CHD9: variants seen among roughly 807,000 people sequenced by gnomAD.
CHD9 encodes chromodomain helicase DNA binding protein 9, also known as ATP-dependent chromatin remodeler CHD9.
A neutral mutation model predicts 316.1 loss-of-function variants in CHD9; 77 were observed. That is an observed-to-expected ratio of 0.24 (90% CI 0.20 to 0.29). The LOEUF is 0.29. Among genes scored for constraint, CHD9 ranks in the 10% least tolerant of loss-of-function variants. CHD9 has a pLI of 1.00. For missense variants in CHD9, 2,763 were observed against 3,438.1 expected (o/e 0.80, Z 4.91); for synonymous variants, 1,129 against 1,158.3 (o/e 0.97, Z 0.51).
At chr16:53,071,827 T>A (rs563246332) in intron 1 of CHD9, among the ~76,000 whole-genome samples, 2 of 152,320 alleles carry the variant, frequency 1.3e-5, no homozygotes, top group African/African-American at 4.8e-5. Context: ...GAACACAGTG[T>A]GATGGCCAGC....
chr16:53,069,295 C>A (rs899310840), intron 1 of CHD9, among the ~76,000 whole-genome samples: 1 of 152,188 alleles, frequency 6.6e-6, no homozygotes, highest in African/African-American at 2.4e-5. Context: ...TGAGCCACCG[C>A]GCCCAGCCTG....
intron 19 of CHD9, among the ~76,000 whole-genome samples, chr16:53,260,275 T>G (rs2050970745): frequency 6.6e-6 from 1 of 152,140 alleles, no homozygotes; most frequent in Non-Finnish European, 1.5e-5. Flanking sequence ...GGCTGGAAGT[T>G]CAAGACCAGC....
Position 53,254,645 on chromosome 16 carries a change from T to C in CHD9, c.4029+40T>C, listed in dbSNP as rs2050421153. On this transcript the variant is annotated intron_variant, in intron 18 of 38. Coordinates refer to ENST00000447540, the MANE Select transcript of CHD9 (RefSeq NM_001308319.2). ...TTTTTCACTTGAGATTTTTGTGTGT[T>C]TTTGCATTTGATTTTACCTCCAATA... 1.9e-6 allele frequency: 3 copies of C among 1,541,130 alleles called. No individual in the cohort carries two copies. The African/African-American group carries it at 4.1e-5, about 21-fold the overall frequency.
chr16:53,155,814 G>A (rs935160640), intron 1 of CHD9, 112 bp from the exon 2 acceptor site: 1 of 369,818 alleles, frequency 2.7e-6, no homozygotes, highest in Non-Finnish European at 4.9e-6. Flanking sequence ...ATAATATGTG[G>A]TATTTTGTGA....
At chr16:53,164,451 C>A (rs979521530) in intron 2 of CHD9, among the ~76,000 whole-genome samples, 1 of 151,932 alleles carries the variant, frequency 6.6e-6, no homozygotes, top group Non-Finnish European at 1.5e-5. Flanking sequence ...TGATGGTGTG[C>A]ACCTGTAGTC....
chr16:53,298,704 G>C (rs932192540), intron 30 of CHD9: 2 of 152,824 alleles, frequency 1.3e-5, no homozygotes, highest in East Asian at 3.8e-4. Context: ...ACTGTGTTTG[G>C]TGACTACACA....
chr16:53,085,667 G>A (rs1596927457), intron 1 of CHD9, among the ~76,000 whole-genome samples: 1 of 152,178 alleles, frequency 6.6e-6, no homozygotes, highest in East Asian at 1.9e-4. Context: ...AACCTTCTGG[G>A]AATCATGCCC....
In CHD9 at chr16:53,245,685, A is replaced by G. The variant is rs1413930525; in HGVS notation, c.3289A>G (p.Ile1097Val). 2.5e-6 allele frequency: 4 copies of G among 1,609,272 alleles called. No individual in the cohort carries two copies. The highest frequency in any genetic ancestry group is 1.3e-5 in the African/African-American group (1 of 74,598). The change falls in exon 15 of 39, where the codon ATC becomes GTC. Residue 1097 changes from isoleucine (I) to valine (V), a missense_variant. Around this residue, in one of 15 missense-constraint regions of CHD9, gnomAD observed 155 missense variants for 291.8 expected, o/e 0.53. Transcript: ENST00000447540. The surrounding 1 kb of genome is among the most constrained non-coding windows in gnomAD (Gnocchi z 4.1). The stretch of plus-strand genomic sequence containing the variant: ...GAAGTTGGCACCTAAAGAAGAAACC[A>G]TCATTGAAGTAGAACTTACTAATAT... ...EKKLAPKEET[I>V]IEVELTNIQK...
At chr16:53,117,771 T>A (rs1220808559) in intron 1 of CHD9, among the ~76,000 whole-genome samples, 2 of 152,086 alleles carry the variant, frequency 1.3e-5, no homozygotes, top group African/African-American at 4.8e-5. Context: ...GAATGTTTTT[T>A]CAATTATCTG....
intron 2 of CHD9, among the ~76,000 whole-genome samples, chr16:53,178,166 G>A (rs921462825): frequency 6.6e-6 from 1 of 152,126 alleles, no homozygotes; most frequent in African/African-American, 2.4e-5. Context: ...TTGACCCCAG[G>A]AGGACTATGG....
intron 3 of CHD9, among the ~76,000 whole-genome samples, chr16:53,214,130 C>T (rs2046551363): frequency 6.6e-6 from 1 of 152,080 alleles, no homozygotes; most frequent in Admixed American, 6.5e-5. Context: ...AGGAAAATAA[C>T]ATTTGTTAAT....
intron 2 of CHD9, among the ~76,000 whole-genome samples, chr16:53,192,048 A>G (rs2044518456): frequency 6.6e-6 from 1 of 150,434 alleles, no homozygotes; most frequent in Non-Finnish European, 1.5e-5. Flanking sequence ...TTGACCAAAA[A>G]TGAGTGAGAC....
At chr16:53,199,878 A>G (rs923798361) in intron 2 of CHD9, among the ~76,000 whole-genome samples, 4 of 152,208 alleles carry the variant, frequency 2.6e-5, no homozygotes, top group African/African-American at 9.6e-5. Context: ...GGAGCTGTAA[A>G]TGGCCAAAGT....
chr16:53,237,564 A>G (rs549123104), intron 11 of CHD9, among the ~76,000 whole-genome samples: 1 of 152,158 alleles, frequency 6.6e-6, no homozygotes, highest in South Asian at 2.1e-4. Flanking sequence ...TTGGTCCTTC[A>G]GTTCATCATG....
At position 53,325,093 on chromosome 16, in the gene CHD9, A is replaced by AC; in HGVS notation, c.*199dup. 2.2e-6 allele frequency: 1 copy of AC among 463,968 alleles called. No homozygotes were observed. Among genetic ancestry groups the AC allele is most frequent in the Non-Finnish European group, 3.8e-6 (1 of 262,464 alleles). 28.7% of individuals were successfully genotyped at this position (463,968 alleles called of 1,614,324 possible). On this transcript the variant is annotated 3_prime_UTR_variant, in exon 39 of 39. Transcript: ENST00000447540. Reference sequence around the variant, plus strand: ...TTCATAAGTTTCTGAACTCGTATGTACTATCAAATACATAAAGGTGTAAAA... The same window carrying AC: ...TTCATAAGTTTCTGAACTCGTATGTACCTATCAAATACATAAAGGTGTAAAA...
chr16:53,175,421 C>T (rs1376720936), intron 2 of CHD9, among the ~76,000 whole-genome samples: 2 of 152,176 alleles, frequency 1.3e-5, no homozygotes, highest in African/African-American at 4.8e-5. Context: ...GGATTGCTGT[C>T]CTGGGCTGCC....
chr16:53,199,993 T>C (rs553209361), intron 2 of CHD9, among the ~76,000 whole-genome samples: 5 of 152,232 alleles, frequency 3.3e-5, no homozygotes, highest in South Asian at 2.1e-4. Flanking sequence ...CCTAGCACTT[T>C]GGGAGGCCGA....
chr16:53,266,025 A>G (rs748006751), intron 20 of CHD9, among the ~76,000 whole-genome samples: 5 of 151,630 alleles, frequency 3.3e-5, no homozygotes, highest in African/African-American at 4.8e-5. Flanking sequence ...AAAAGGGACA[A>G]CTCTTTCTTA....
At chr16:53,159,633 G>A (rs969896587) in intron 2 of CHD9, among the ~76,000 whole-genome samples, 1 of 151,842 alleles carries the variant, frequency 6.6e-6, no homozygotes, top group Non-Finnish European at 1.5e-5. Flanking sequence ...TTTTTGAGAA[G>A]GAGTCTCACT....
Sources: gnomAD v4.1 joint callset for allele counts (sites outside exome capture counted in the v4.1 genomes callset) on GRCh38, gnomAD v4.1.1 for gene constraint, gnomAD v4.1.1 regional missense constraint, Gnocchi (gnomAD v3.1) non-coding constraint, MANE v1.5 for transcripts, NCBI Gene and HGNC (gene_info 2026-07-23, HGNC 2026-07-21) for gene names.